SHISA9: variants seen among roughly 807,000 people sequenced by gnomAD.
SHISA9 encodes protein shisa-9.
A neutral mutation model predicts 38.0 loss-of-function variants in SHISA9; 13 were observed. The ratio of observed to expected loss-of-function variants is 0.34; its 90% CI spans 0.22 to 0.54. The LOEUF is 0.54. Ranked by LOEUF, SHISA9 falls within the 20% of genes least tolerant of loss-of-function variation. The pLI is 0.91. For synonymous variants in SHISA9, 275 were observed against 242.0 expected (o/e 1.14, Z -1.27); for missense variants, 538 against 575.8 (o/e 0.93, Z 0.67).
At chr16:13,150,589 A>G (rs917432408) in intron 2 of SHISA9, among the ~76,000 whole-genome samples, 1 of 152,200 alleles carries the variant, frequency 6.6e-6, no homozygotes, top group African/African-American at 2.4e-5. Context: ...TGTCATCACC[A>G]CCTGGGAAAT....
chr16:13,479,589 C>CAT, the SHISA9 span, among the ~76,000 whole-genome samples: 8,173 of 151,758 alleles, frequency 0.054, 355 homozygotes, highest in East Asian at 0.21. Context: ...TTAATTTATA[C>CAT]ATATATATAT....
At chr16:13,147,752 C>T (rs1379939904) in intron 2 of SHISA9, among the ~76,000 whole-genome samples, 2 of 152,210 alleles carry the variant, frequency 1.3e-5, no homozygotes, top group Non-Finnish European at 2.9e-5. Context: ...TAAGCCACCA[C>T]GCCCAGCCTG....
chr16:13,496,546 T>C, the SHISA9 span, among the ~76,000 whole-genome samples: 1 of 152,090 alleles, frequency 6.6e-6, no homozygotes, highest in African/African-American at 2.4e-5. Context: ...TTATGGATTT[T>C]CTAGTAAATC....
intron 2 of SHISA9, among the ~76,000 whole-genome samples, chr16:13,019,941 TTCTTTCTTTCTTTCTTTCCCTCCTTC>T (rs2072825614): frequency 1.2e-5 from 1 of 82,222 alleles, no homozygotes; most frequent in Non-Finnish European, 2.9e-5. Context: ...CTTTCTTTCT[TTCTTTCTTTCTTTCTTTCCCTCCTTC>T]TTTCCTTCCT....
intron 2 of SHISA9, among the ~76,000 whole-genome samples, chr16:12,986,301 C>T (rs1025521446): frequency 6.6e-6 from 1 of 152,148 alleles, no homozygotes; most frequent in Non-Finnish European, 1.5e-5. Flanking sequence ...CTCTTTCCTT[C>T]CTTCCCTTCT....
At chr16:13,292,665 G>A in the SHISA9 span, among the ~76,000 whole-genome samples, 1 of 152,094 alleles carries the variant, frequency 6.6e-6, no homozygotes, top group Non-Finnish European at 1.5e-5. Flanking sequence ...CCTCTCAGAT[G>A]AGAGGAAGTA....
the SHISA9 span, among the ~76,000 whole-genome samples, chr16:13,455,020 T>A: frequency 6.6e-6 from 1 of 152,184 alleles, no homozygotes; most frequent in African/African-American, 2.4e-5. Context: ...CTTCTTTTTT[T>A]TTTATCATAT....
chr16:13,041,782 C>T lies in SHISA9; in HGVS notation c.691+124967C>T, dbSNP rs182745666. The stretch of plus-strand genomic sequence containing the variant: ...GGGAAGGCTGATAAAATACCAATTC[C>T]AGGACCTCACTGCCATGGATTCCAA... On this transcript the variant is annotated intron_variant, in intron 2 of 4. Transcript: ENST00000558583. 5.9e-5 allele frequency among the ~76,000 whole-genome samples: 9 copies of T among 152,286 alleles called. No individual in the cohort carries two copies. The East Asian group carries it at 1.7e-3, about 29-fold the overall frequency.
chr16:13,530,632 A>C, the SHISA9 span, among the ~76,000 whole-genome samples: 9,380 of 151,916 alleles, frequency 0.062, 508 homozygotes, highest in East Asian at 0.18. Context: ...GACTGTGACA[A>C]CACCACCTAC....
chr16:13,014,539 C>T (rs2072718026), intron 2 of SHISA9, among the ~76,000 whole-genome samples: 1 of 152,130 alleles, frequency 6.6e-6, no homozygotes, highest in Non-Finnish European at 1.5e-5. Context: ...CAACAGGAGG[C>T]CTTTAAACAT....
chr16:13,102,259 A>G (rs935979379), intron 2 of SHISA9, among the ~76,000 whole-genome samples: 4 of 152,150 alleles, frequency 2.6e-5, no homozygotes, highest in Non-Finnish European at 5.9e-5. Flanking sequence ...TACCTGTTGC[A>G]TTTCTAAACA....
intron 2 of SHISA9, among the ~76,000 whole-genome samples, chr16:12,929,712 A>G (rs1009664669): frequency 6.6e-6 from 1 of 152,026 alleles, no homozygotes; most frequent in African/African-American, 2.4e-5. Context: ...TGATGGGATA[A>G]TCTGTGTAGC....
At chr16:12,912,621 C>G (rs942052055) in intron 1 of SHISA9, among the ~76,000 whole-genome samples, 2 of 152,154 alleles carry the variant, frequency 1.3e-5, no homozygotes, top group African/African-American at 4.8e-5. Context: ...AGGCCTCTGT[C>G]TTTTGTCTCA....
At chr16:13,482,360 G>A in the SHISA9 span, among the ~76,000 whole-genome samples, 7 of 152,232 alleles carry the variant, frequency 4.6e-5, no homozygotes, top group Non-Finnish European at 8.8e-5. Flanking sequence ...GCTTAGAGAC[G>A]TATCAGCTGC....
chr16:12,910,597 A>G, intron 1 of SHISA9: 1 of 985,446 alleles, frequency 1.0e-6, no homozygotes, highest in Non-Finnish European at 1.2e-6. Flanking sequence ...AGTCATTTCA[A>G]CCTCAAAAAT....
At chr16:13,223,557 C>G (rs2051250186) in intron 4 of SHISA9, among the ~76,000 whole-genome samples, 1 of 152,236 alleles carries the variant, frequency 6.6e-6, no homozygotes, top group Non-Finnish European at 1.5e-5. Context: ...ACTGGGGGCT[C>G]TACCATAGCT....
the SHISA9 span, among the ~76,000 whole-genome samples, chr16:13,260,159 G>A: frequency 6.6e-6 from 1 of 151,472 alleles, no homozygotes; most frequent in East Asian, 2.0e-4. Context: ...TTAGACTACA[G>A]GCACCCACCA....
intron 2 of SHISA9, among the ~76,000 whole-genome samples, chr16:12,972,055 G>GTGTGTA (rs2072091693): frequency 6.6e-6 from 1 of 151,136 alleles, no homozygotes; most frequent in Non-Finnish European, 1.5e-5. Context: ...GTGTGTGTGT[G>GTGTGTA]TGTGTGTGTG....
intron 2 of SHISA9, among the ~76,000 whole-genome samples, chr16:13,053,916 A>C (rs1353484711): frequency 6.6e-6 from 1 of 152,232 alleles, no homozygotes; most frequent in African/African-American, 2.4e-5. Context: ...AATGAGGCCA[A>C]GAAGCCCACT....
Sources: gnomAD v4.1 joint callset for allele counts (sites outside exome capture counted in the v4.1 genomes callset) on GRCh38, gnomAD v4.1.1 for gene constraint, MANE v1.5 for transcripts, NCBI Gene and HGNC (gene_info 2026-07-23, HGNC 2026-07-21) for gene names.